Variants in BBS7 observed in about 807,000 individuals in gnomAD.
BBS7 encodes the protein Bardet-Biedl syndrome 7.
BBS7 carries 50 observed loss-of-function variants against 90.3 expected under a neutral mutation model. The ratio of observed to expected loss-of-function variants is 0.55; its 90% CI spans 0.44 to 0.70. BBS7 has a LOEUF of 0.70. BBS7 is among the 30% of genes least tolerant of loss of function. The pLI is 0.00. For synonymous variants in BBS7, 235 were observed against 287.4 expected (o/e 0.82, Z 1.85); for missense variants, 729 against 838.9 (o/e 0.87, Z 1.62).
intron 15 of BBS7, 38 bp from the exon 16 acceptor site, chr4:121,828,766 G>A (rs760418064): frequency 1.0e-5 from 12 of 1,197,462 alleles, no homozygotes; most frequent in Admixed American, 8.3e-5. Flanking sequence ...AATAGCTGTA[G>A]AAGGAAATTG....
intron 7 of BBS7, 102 bp from the exon 8 acceptor site, chr4:121,853,188 G>T (rs1726417137): frequency 7.7e-7 from 1 of 1,303,732 alleles, no homozygotes; most frequent in Non-Finnish European, 1.1e-6. Flanking sequence ...ACTCAGAATG[G>T]TGAGCAAAAA....
At chr4:121,863,692 A>G (rs1168231777) in intron 2 of BBS7, among the ~76,000 whole-genome samples, 4 of 152,210 alleles carry the variant, frequency 2.6e-5, no homozygotes, top group South Asian at 4.1e-4. Context: ...AACTTTTAAA[A>G]CAGATTATCA....
Position 121,843,914 on chromosome 4 carries a change from T to C in BBS7, c.1305+13A>G, listed in dbSNP as rs773872987. 2.6e-5 allele frequency: 41 copies of C among 1,560,882 alleles called. No homozygotes were observed. The highest frequency in any genetic ancestry group is 3.5e-5 in the Admixed American group (2 of 57,932). On this transcript the variant is annotated intron_variant, in intron 12 of 18. Transcript: ENST00000264499. ...TGAAAGCATGTGAAGAATTCTTTTATATTTTTACTCACCTCAGAATCACAG... is the reference window on the plus strand; with the variant it reads ...TGAAAGCATGTGAAGAATTCTTTTACATTTTTACTCACCTCAGAATCACAG...
chr4:121,863,326 G>T, intron 2 of BBS7, 47 bp from the exon 3 acceptor site: 1 of 1,438,604 alleles, frequency 7.0e-7, no homozygotes, highest in Non-Finnish European at 9.8e-7. Flanking sequence ...TTAATATTAT[G>T]ACCTAATAAT....
Position 121,870,303 on chromosome 4 carries a change from A to G in BBS7, c.11T>C (p.Ile4Thr), listed in dbSNP as rs542274936. ...CTGCAGATAATCCATTCGGTTTAAAATCAGATCCATGATGACTACGCGGAG... is the reference window on the plus strand; with the variant it reads ...CTGCAGATAATCCATTCGGTTTAAAGTCAGATCCATGATGACTACGCGGAG... Reference protein sequence around the residue: MDLILNRMDYLQVG... With the variant: MDLTLNRMDYLQVG... The change falls in exon 1 of 19, where the codon ATT (isoleucine) becomes ACT (threonine). Residue 4 changes from isoleucine to threonine, a missense_variant. By Grantham distance (89) the Ile-to-Thr change is moderately conservative (BLOSUM62 -1). Coordinates refer to ENST00000264499, the MANE Select transcript of BBS7 (RefSeq NM_176824.3). 192 of 1,614,182 alleles carry G rather than the reference A, an allele frequency of 1.2e-4. No individual in the cohort carries two copies. The South Asian group carries it at 2.0e-3, about 17-fold the overall frequency.
At chr4:121,839,780 C>T (rs936197053) in intron 12 of BBS7, 84 bp from the exon 13 acceptor site, 19 of 1,234,746 alleles carry the variant, frequency 1.5e-5, no homozygotes, top group Admixed American at 7.2e-5. Context: ...TAATGGTTAC[C>T]ATTTGCTTAA....
At chr4:121,852,811 G>A in intron 8 of BBS7, 145 bp downstream of exon 8, 1 of 806,752 alleles carries the variant, frequency 1.2e-6, no homozygotes, top group Non-Finnish European at 2.0e-6. Context: ...GAAGTCTAGA[G>A]AAGATTCTGA....
At chr4:121,841,406 AT>A (rs1416610375) in intron 12 of BBS7, among the ~76,000 whole-genome samples, 3 of 152,062 alleles carry the variant, frequency 2.0e-5, no homozygotes, top group Admixed American at 1.3e-4. Flanking sequence ...AAAATAAAAA[AT>A]AAAAAAAATT....
At chr4:121,848,816 T>C (rs574012381) in intron 9 of BBS7, 28 bp downstream of exon 9, 1 of 1,567,492 alleles carries the variant, frequency 6.4e-7, no homozygotes, top group Non-Finnish European at 8.7e-7. Flanking sequence ...TGACTCTTTC[T>C]TCAATTACCT....
intron 12 of BBS7, among the ~76,000 whole-genome samples, chr4:121,842,689 T>C (rs1382361247): frequency 2.6e-5 from 4 of 152,038 alleles, no homozygotes; most frequent in African/African-American, 9.7e-5. Context: ...TCTGCAACAG[T>C]GCCAATGCAT....
At chr4:121,831,344 G>C (rs947330977) in intron 15 of BBS7, among the ~76,000 whole-genome samples, 1 of 151,860 alleles carries the variant, frequency 6.6e-6, no homozygotes, top group Non-Finnish European at 1.5e-5. Context: ...CAAAAATGTA[G>C]CTACTGCAGG....
intron 8 of BBS7, among the ~76,000 whole-genome samples, chr4:121,849,557 G>C (rs781160368): frequency 6.0e-5 from 9 of 149,296 alleles, no homozygotes; most frequent in Non-Finnish European, 9.0e-5. Context: ...GGCTGGGCGC[G>C]GTGGCTCACA....
At chr4:121,833,540 T>A (rs950586452) in intron 14 of BBS7, 145 bp from the exon 15 acceptor site, 6 of 782,850 alleles carry the variant, frequency 7.7e-6, no homozygotes, top group African/African-American at 1.8e-5. Context: ...ATACGTCAAA[T>A]AAATGAACAT....
chr4:121,865,139 C>T (rs1338968792), intron 2 of BBS7, among the ~76,000 whole-genome samples: 1 of 152,248 alleles, frequency 6.6e-6, no homozygotes, highest in South Asian at 2.1e-4. Flanking sequence ...TTAATGAGAA[C>T]ATGTGGTGTT....
At chr4:121,832,009 A>ACACACACACACACACACACAC (rs1725207388) in intron 15 of BBS7, among the ~76,000 whole-genome samples, 1 of 142,768 alleles carries the variant, frequency 7.0e-6, no homozygotes, top group African/African-American at 2.7e-5. Context: ...AAAAAACAAA[A>ACACACACACACACACACACAC]ACACACACAC....
intron 5 of BBS7, 49 bp from the exon 6 acceptor site, chr4:121,855,610 A>G: frequency 6.9e-7 from 1 of 1,455,820 alleles, no homozygotes; most frequent in Non-Finnish European, 9.6e-7. Flanking sequence ...ACTGAAAATA[A>G]TAGAGGCATT....
At chr4:121,867,604 TGTTA>T (rs1194571123) in intron 2 of BBS7, among the ~76,000 whole-genome samples, 2 of 152,236 alleles carry the variant, frequency 1.3e-5, no homozygotes, top group Admixed American at 6.5e-5. Context: ...TAATCAATAT[TGTTA>T]GTTAAGTACA....
At chr4:121,830,129 T>C (rs1386024551) in intron 15 of BBS7, among the ~76,000 whole-genome samples, 1 of 152,226 alleles carries the variant, frequency 6.6e-6, no homozygotes, top group Non-Finnish European at 1.5e-5. Context: ...TGGTCCGTTG[T>C]GGTGGCTCAC....
chr4:121,842,269 A>AG (rs1185426143), intron 12 of BBS7, among the ~76,000 whole-genome samples: 1 of 150,998 alleles, frequency 6.6e-6, no homozygotes, highest in Non-Finnish European at 1.5e-5. Flanking sequence ...AAAAAAAAAA[A>AG]AGAAAAAGAA....
Sources: gnomAD v4.1 joint callset for allele counts (sites outside exome capture counted in the v4.1 genomes callset) on GRCh38, gnomAD v4.1.1 for gene constraint, MANE v1.5 for transcripts, NCBI Gene and HGNC (gene_info 2026-07-23, HGNC 2026-07-21) for gene names.